The following NIN variants were observed in gnomAD, a reference collection of about 807,000 sequenced individuals.
NIN encodes ninein.
A neutral mutation model predicts 257.6 loss-of-function variants in NIN; 137 were observed. The ratio of observed to expected loss-of-function variants is 0.53; its 90% CI spans 0.46 to 0.61. The LOEUF (loss-of-function observed/expected upper bound fraction) is 0.61, where lower values mean the gene tolerates loss of function less well. Among genes scored for constraint, NIN ranks in the 20% least tolerant of loss-of-function variants. NIN has a pLI of 0.00. For synonymous variants in NIN, 918 were observed against 919.8 expected (o/e 1.00, Z 0.04); for missense variants, 2,439 against 2,501.2 (o/e 0.98, Z 0.53).
chr14:50,739,507 G>A lies in NIN; in HGVS notation c.5449-20C>T, dbSNP rs766811907. The A allele has an allele frequency of 4.4e-6, 7 of 1,608,694 alleles. No homozygotes were observed. The highest frequency in any genetic ancestry group is 1.7e-5 in the Admixed American group (1 of 58,964). ...CCAGCTCTTAAGAGAATTGCAGAGT[G>A]TAAGCCTTAAAAACAAGCTATTGGG... On this transcript the variant is annotated intron_variant, in intron 25 of 30. Coordinates refer to ENST00000530997, the MANE Select transcript of NIN (RefSeq NM_020921.4).
intron 23 of NIN, 100 bp from the exon 24 acceptor site, chr14:50,743,629 C>G: frequency 1.4e-6 from 1 of 692,904 alleles, no homozygotes; most frequent in Non-Finnish European, 2.6e-6. Context: ...CAAGTACCAT[C>G]TATTTATGTA....
At position 50,757,209 on chromosome 14, in the gene NIN, T is replaced by C. The variant is rs1466756574; in HGVS notation, c.3821A>G (p.Asp1274Gly). ...EELRMMETRY[D>G]EALENNKELT... ...TTCTTTGTTATTTTCTAGTGCCTCA[T>C]CGTAGCGTGTCTCCATCATTCTCAG... Residue 1274 changes from aspartate (D) to glycine (G), a missense_variant, in exon 18 of 31, where the codon GAT becomes GGT. Asp to Gly is a moderately conservative substitution (Grantham distance 94). Around this residue, in one of 3 missense-constraint regions of NIN, gnomAD observed 2,043 missense variants for 2,050.2 expected, o/e 1.00. Transcript: ENST00000530997. The C allele has an allele frequency of 6.2e-7, 1 of 1,614,020 alleles. No homozygotes were observed. Among genetic ancestry groups the C allele is most frequent in the African/African-American group, 1.3e-5 (1 of 74,916 alleles).
At chr14:50,742,551 G>A (rs1437688366) in intron 24 of NIN, among the ~76,000 whole-genome samples, 2 of 151,846 alleles carry the variant, frequency 1.3e-5, no homozygotes, top group African/African-American at 4.8e-5. Flanking sequence ...TTGCCACCGC[G>A]CTCGGCTAAT....
chr14:50,800,943 C>T (rs1222487104), intron 4 of NIN, among the ~76,000 whole-genome samples: 1 of 151,996 alleles, frequency 6.6e-6, no homozygotes, highest in Admixed American at 6.6e-5. Context: ...CCACCACGCC[C>T]AGCTAATTTT....
At chr14:50,735,692 A>G (rs2040941203) in intron 27 of NIN, 75 bp from the exon 28 acceptor site, 1 of 1,486,820 alleles carries the variant, frequency 6.7e-7, no homozygotes, top group Non-Finnish European at 8.9e-7. Flanking sequence ...ATTTTGACAA[A>G]TCTGTGCTTG....
intron 5 of NIN, among the ~76,000 whole-genome samples, chr14:50,784,108 C>T (rs576895678): frequency 4.1e-4 from 63 of 152,268 alleles, no homozygotes; most frequent in African/African-American, 1.5e-3. Context: ...TTCAGATTCT[C>T]CCTACTCTGG....
intron 27 of NIN, among the ~76,000 whole-genome samples, chr14:50,737,495 C>CAAAAA (rs58386910): frequency 0.012 from 661 of 53,596 alleles, no homozygotes; most frequent in Non-Finnish European, 0.017. Flanking sequence ...TGTTACATAG[C>CAAAAA]AAAAAAAAAA....
chr14:50,761,856 G>T lies in NIN; in HGVS notation c.1830C>A (p.Val610=). 6.2e-7 allele frequency: 1 copy of T among 1,614,110 alleles called. No homozygotes were observed. Among genetic ancestry groups the T allele is most frequent in the South Asian group, 1.1e-5 (1 of 91,064 alleles). Residue 610 remains valine (V), a synonymous_variant, in exon 16 of 31, where the codon GTC becomes GTA. Coordinates refer to ENST00000530997, the MANE Select transcript of NIN (RefSeq NM_020921.4). ...GATGTTGTTCTTTCATCTGTTCAAT[G>T]ACCAGCTCTGCCTCAATGCTCATAT... The part of the protein sequence containing the change: ...PLNMSIEAEL[V]IEQMKEQHHR...
intron 27 of NIN, among the ~76,000 whole-genome samples, chr14:50,735,948 T>C (rs897224056): frequency 6.6e-6 from 1 of 152,180 alleles, no homozygotes; most frequent in African/African-American, 2.4e-5. Flanking sequence ...ATCCTTACCA[T>C]GGACCATGTA....
At position 50,824,280 on chromosome 14, in the gene NIN, G is replaced by A. The variant is rs1200051818; in HGVS notation, c.-21-2203C>T. ...AAGCCCTGATCTTATCCACGGTGTC[G>A]AATTTGATATACTATCATGCCCCAC... On this transcript the variant is annotated intron_variant, in intron 2 of 30. Coordinates refer to ENST00000530997, the MANE Select transcript of NIN (RefSeq NM_020921.4). Among the ~76,000 whole-genome samples, 7 of 152,176 alleles carry A rather than the reference G, an allele frequency of 4.6e-5. No individual in the cohort carries two copies. The South Asian group carries it at 6.2e-4, about 14-fold the overall frequency.
chr14:50,797,615 C>T (rs560340475), intron 4 of NIN, among the ~76,000 whole-genome samples: 1 of 152,348 alleles, frequency 6.6e-6, no homozygotes, highest in East Asian at 1.9e-4. Context: ...CCCACCTCCT[C>T]GCCTATGCTG....
At chr14:50,737,539 C>CTAA (rs1184514270) in intron 27 of NIN, among the ~76,000 whole-genome samples, 3 of 131,282 alleles carry the variant, frequency 2.3e-5, no homozygotes, top group African/African-American at 8.3e-5. Context: ...TAAGATGTTT[C>CTAA]TAATATTCGA....
At chr14:50,769,428 G>A (rs766688677) in intron 12 of NIN, among the ~76,000 whole-genome samples, 2 of 152,166 alleles carry the variant, frequency 1.3e-5, no homozygotes, top group South Asian at 2.1e-4. Context: ...TTTGGAGGCC[G>A]AGGTGGGAGG....
chr14:50,796,482 G>A lies in NIN; in HGVS notation c.266-3601C>T, dbSNP rs546442555. 5.3e-5 allele frequency among the ~76,000 whole-genome samples: 8 copies of A among 152,216 alleles called. No individual in the cohort carries two copies. The East Asian group carries it at 7.7e-4, about 15-fold the overall frequency. Reference sequence around the variant, plus strand: ...AAGATGAAGAAAATACTATGCCTTCGGGCCTTAGAAATGACAGCTGGGTTG... The same window carrying A: ...AAGATGAAGAAAATACTATGCCTTCAGGCCTTAGAAATGACAGCTGGGTTG... On this transcript the variant is annotated intron_variant, in intron 4 of 30. Coordinates refer to ENST00000530997, the MANE Select transcript of NIN (RefSeq NM_020921.4).
In NIN at chr14:50,799,687, C is replaced by A. The variant is rs555825964; in HGVS notation, c.266-6806G>T. The stretch of plus-strand genomic sequence containing the variant: ...GTTTGGAAACCTTCTTATATATCCA[C>A]TAAGGTTGAAATAAAATATAGACAT... On this transcript the variant is annotated intron_variant, in intron 4 of 30. Transcript: ENST00000530997. 3.3e-5 allele frequency among the ~76,000 whole-genome samples: 5 copies of A among 152,298 alleles called. No individual in the cohort carries two copies. In the East Asian group the frequency reaches 9.6e-4, roughly 29 times the overall value.
chr14:50,755,322 T>C (rs1163429086), intron 18 of NIN, among the ~76,000 whole-genome samples: 1 of 152,162 alleles, frequency 6.6e-6, no homozygotes, highest in Non-Finnish European at 1.5e-5. Context: ...CACAATGAAA[T>C]ATGTACACTG....
At chr14:50,791,807 G>GCACACACACACACACA (rs373370758) in intron 5 of NIN, among the ~76,000 whole-genome samples, 19 of 116,754 alleles carry the variant, frequency 1.6e-4, no homozygotes, top group African/African-American at 2.2e-4. Context: ...AGGTGCACGC[G>GCACACACACACACACA]CACACACACA....
In NIN at chr14:50,730,452, C is replaced by T. The variant is rs116518559; in HGVS notation, c.5878-729G>A. The stretch of plus-strand genomic sequence containing the variant: ...GCAGGCCACCTCACATCTATACACA[C>T]GCGGAGCATGCAACAAACATTACCA... On this transcript the variant is annotated intron_variant, in intron 28 of 30. Transcript: ENST00000530997. Among the ~76,000 whole-genome samples, 1,226 of 152,270 alleles carry T rather than the reference C, an allele frequency of 8.1e-3. 22 individuals are homozygous for T. The highest frequency in any genetic ancestry group is 0.028 in the African/African-American group (1,172 of 41,534).
intron 4 of NIN, chr14:50,794,315 T>A (rs1009840091): frequency 3.8e-5 from 6 of 157,894 alleles, no homozygotes; most frequent in Admixed American, 3.3e-4. Context: ...TCTAGTGATA[T>A]TTATATCCAG....
Sources: allele counts gnomAD v4.1 joint callset (sites outside exome capture counted in the v4.1 genomes callset), GRCh38; gene constraint gnomAD v4.1.1; regional missense constraint gnomAD v4.1.1; transcripts MANE v1.5; gene names NCBI Gene and HGNC (gene_info 2026-07-23, HGNC 2026-07-21).